Variants in SLC4A4 observed in about 807,000 individuals in gnomAD.
SLC4A4 encodes the protein solute carrier family 4 member 4.
A neutral mutation model predicts 111.5 loss-of-function variants in SLC4A4; 27 were observed. The observed-to-expected ratio is 0.24, with a 90% CI of 0.18 to 0.33. The LOEUF (loss-of-function observed/expected upper bound fraction) is 0.33. SLC4A4 is among the 10% of genes least tolerant of loss of function. The probability of loss-of-function intolerance (pLI) is 1.00; values close to 1 mark genes in which losing one functional copy is unlikely to be tolerated. For synonymous variants in SLC4A4, 443 were observed against 463.4 expected (o/e 0.96, Z 0.57); for missense variants, 909 against 1,315.5 (o/e 0.69, Z 4.78).
At chr4:71,494,644 G>A (rs565281164) in intron 15 of SLC4A4, among the ~76,000 whole-genome samples, 38 of 152,058 alleles carry the variant, frequency 2.5e-4, no homozygotes, top group Non-Finnish European at 4.0e-4. Context: ...TGATTTAACC[G>A]TTTAAACAGT....
At chr4:71,305,891 G>A (rs1725642376) in intron 3 of SLC4A4, among the ~76,000 whole-genome samples, 2 of 152,062 alleles carry the variant, frequency 1.3e-5, no homozygotes, top group Non-Finnish European at 2.9e-5. Context: ...CAGAGCCAGG[G>A]GAGGTTTTAT....
intron 7 of SLC4A4, among the ~76,000 whole-genome samples, chr4:71,418,091 A>G (rs1451430553): frequency 6.6e-6 from 1 of 152,220 alleles, no homozygotes; most frequent in African/African-American, 2.4e-5. Context: ...AGACATTAAG[A>G]AAATGTGACT....
chr4:71,083,507 A>G (rs963430175), intron 1 of SLC4A4, among the ~76,000 whole-genome samples: 2 of 152,018 alleles, frequency 1.3e-5, no homozygotes, highest in Non-Finnish European at 2.9e-5. Context: ...AAGGTAAAAC[A>G]GAAGCTGTCT....
chr4:71,095,328 G>C (rs28477079), intron 2 of SLC4A4, among the ~76,000 whole-genome samples: 13,937 of 152,160 alleles, frequency 0.092, 787 homozygotes, highest in African/African-American at 0.16. Context: ...GGCCCTGCAG[G>C]GTCTGCCAAG....
intron 3 of SLC4A4, among the ~76,000 whole-genome samples, chr4:71,307,531 A>G (rs1725790907): frequency 6.6e-6 from 1 of 152,226 alleles, no homozygotes; most frequent in Admixed American, 6.5e-5. Context: ...TAGCTGAGGA[A>G]ATGGAAGTCT....
intron 7 of SLC4A4, among the ~76,000 whole-genome samples, chr4:71,411,198 A>G (rs1243472681): frequency 1.3e-5 from 2 of 152,134 alleles, no homozygotes; most frequent in East Asian, 3.9e-4. Context: ...CTACAACCAT[A>G]TGGTATTCTT....
At position 71,254,500 on chromosome 4, in the gene SLC4A4, G is replaced by T. The variant is rs903966497; in HGVS notation, c.74-720G>T. Among the ~76,000 whole-genome samples, 3 of 151,844 alleles carry T rather than the reference G, an allele frequency of 2.0e-5. No individual in the cohort carries two copies. The East Asian group carries it at 5.8e-4, about 29-fold the overall frequency. Reference sequence around the variant, plus strand: ...CCAGTTTTTAGAAACTTTTGGAAATGAAAAAAGAAAAATGAGAATGGCACT... The same window carrying T: ...CCAGTTTTTAGAAACTTTTGGAAATTAAAAAAGAAAAATGAGAATGGCACT... On this transcript the variant is annotated intron_variant, in intron 2 of 25. Coordinates refer to ENST00000264485, the MANE Select transcript of SLC4A4 (RefSeq NM_001098484.3).
chr4:71,169,935 AAC>A (rs1240155274), intron 2 of SLC4A4, among the ~76,000 whole-genome samples: 1 of 152,126 alleles, frequency 6.6e-6, no homozygotes, highest in Admixed American at 6.5e-5. Context: ...TCCTTCTCCA[AAC>A]CTCATTTCAT....
chr4:71,261,657 C>G (rs897755468), intron 3 of SLC4A4, among the ~76,000 whole-genome samples: 1 of 152,180 alleles, frequency 6.6e-6, no homozygotes, highest in Non-Finnish European at 1.5e-5. Flanking sequence ...TCTTAGAGAG[C>G]CTTGAGTTTC....
chr4:71,356,770 A>G (rs983016431), intron 5 of SLC4A4, among the ~76,000 whole-genome samples: 12 of 152,224 alleles, frequency 7.9e-5, no homozygotes, highest in Admixed American at 7.2e-4. Flanking sequence ...TTATGTGAAT[A>G]CATCATATCT....
chr4:71,303,488 ACT>A (rs1725436081), intron 3 of SLC4A4, among the ~76,000 whole-genome samples: 1 of 152,158 alleles, frequency 6.6e-6, no homozygotes, highest in Non-Finnish European at 1.5e-5. Flanking sequence ...TTGAAAAACA[ACT>A]CTTCCTGTCT....
At chr4:71,294,599 T>C (rs553298365) in intron 3 of SLC4A4, among the ~76,000 whole-genome samples, 39 of 152,314 alleles carry the variant, frequency 2.6e-4, no homozygotes, top group African/African-American at 9.4e-4. Flanking sequence ...AATCAAAGAC[T>C]GATTAACTGT....
chr4:71,196,532 G>A (rs1199418562), intron 1 of SLC4A4, among the ~76,000 whole-genome samples: 1 of 152,024 alleles, frequency 6.6e-6, no homozygotes, highest in Non-Finnish European at 1.5e-5. Context: ...TTCTGCAGTT[G>A]AATTGATCAC....
intron 1 of SLC4A4, among the ~76,000 whole-genome samples, chr4:71,232,738 A>G (rs1428238602): frequency 1.3e-5 from 2 of 152,174 alleles, no homozygotes; most frequent in Non-Finnish European, 2.9e-5. Flanking sequence ...TGGTTGTTAC[A>G]TGCAATTTTG....
At chr4:71,185,662 T>G (rs1318099831), upstream of SLC4A4, among the ~76,000 whole-genome samples, 4 of 152,200 alleles carry the variant, frequency 2.6e-5, no homozygotes, top group Non-Finnish European at 2.9e-5. Context: ...AGACACAGGC[T>G]CCATACCTGC....
chr4:71,513,011 T>G (rs1186090083), intron 16 of SLC4A4, among the ~76,000 whole-genome samples: 1 of 152,316 alleles, frequency 6.6e-6, no homozygotes, highest in East Asian at 1.9e-4. Flanking sequence ...ATAGCAATAC[T>G]ATGCTGATGT....
Position 71,546,356 on chromosome 4 carries a change from G to A in SLC4A4, c.2449G>A (p.Ala817Thr), listed in dbSNP as rs959037549. The A allele has an allele frequency of 3.1e-6, 5 of 1,612,088 alleles. No individual in the cohort carries two copies. The highest frequency in any genetic ancestry group is 1.3e-5 in the African/African-American group (1 of 74,832). Reference sequence around the variant, plus strand: ...TTGTTATCTCTTTCTACAGAAAGGAGCAGGGTATCACTTGGATCTCTTTTG... The same window carrying A: ...TTGTTATCTCTTTCTACAGAAAGGAACAGGGTATCACTTGGATCTCTTTTG... ...NRKEHKLKKG[A>T]GYHLDLFWVA... Residue 817 changes from alanine (A) to threonine (T), a missense_variant, in exon 19 of 26, where the codon GCA becomes ACA. Physicochemically the swap from Ala to Thr is moderately conservative, Grantham distance 58. This residue lies in a region of SLC4A4 where 264 missense variants were observed against 356.8 expected (regional missense o/e 0.74). Coordinates refer to ENST00000264485, the MANE Select transcript of SLC4A4 (RefSeq NM_001098484.3).
At chr4:71,353,671 G>T (rs1056545450) in intron 5 of SLC4A4, among the ~76,000 whole-genome samples, 8 of 152,150 alleles carry the variant, frequency 5.3e-5, no homozygotes, top group Non-Finnish European at 1.0e-4. Flanking sequence ...TGATACTTCT[G>T]AGTTGAGAAT....
chr4:71,238,272 C>G (rs951718153), intron 2 of SLC4A4, among the ~76,000 whole-genome samples: 1 of 152,190 alleles, frequency 6.6e-6, no homozygotes, highest in Non-Finnish European at 1.5e-5. Context: ...GTAGGATTGA[C>G]AGTACTCTAC....
Sources: gnomAD v4.1 joint callset for allele counts (sites outside exome capture counted in the v4.1 genomes callset) on GRCh38, gnomAD v4.1.1 for gene constraint, gnomAD v4.1.1 regional missense constraint, MANE v1.5 for transcripts, NCBI Gene and HGNC (gene_info 2026-07-23, HGNC 2026-07-21) for gene names.